The following ASB3 variants were observed in gnomAD, a reference collection of about 807,000 sequenced individuals.
The protein encoded by ASB3 is ankyrin repeat and SOCS box protein 3.
Under a neutral mutation model 54.5 loss-of-function variants are expected in ASB3, and 41 were observed. That is an observed-to-expected ratio of 0.75 (90% CI 0.59 to 0.98). The LOEUF (loss-of-function observed/expected upper bound fraction) is 0.98. ASB3 is among the 50% of genes least tolerant of loss of function. The probability of loss-of-function intolerance (pLI) is 0.00; values close to 1 mark genes in which losing one functional copy is unlikely to be tolerated. For synonymous variants in ASB3, 266 were observed against 221.2 expected (o/e 1.20, Z -1.80); for missense variants, 733 against 620.0 (o/e 1.18, Z -1.94).
intron 9 of ASB3, among the ~76,000 whole-genome samples, chr2:53,678,253 A>C (rs1431801065): frequency 3.9e-5 from 6 of 152,076 alleles, no homozygotes; most frequent in African/African-American, 1.4e-4. Flanking sequence ...GAACTTCCTC[A>C]TCCTACAAAA....
At chr2:53,682,394 G>A (rs1668421671) in intron 9 of ASB3, among the ~76,000 whole-genome samples, 1 of 151,836 alleles carries the variant, frequency 6.6e-6, no homozygotes, top group Non-Finnish European at 1.5e-5. Flanking sequence ...TCACTTCTTT[G>A]GTCACACTAA....
intron 3 of ASB3, among the ~76,000 whole-genome samples, chr2:53,741,914 A>G (rs1206720427): frequency 6.6e-6 from 1 of 152,192 alleles, no homozygotes; most frequent in African/African-American, 2.4e-5. Context: ...CAAAAGAATG[A>G]CGATCAATCC....
At chr2:53,778,559 C>G (rs1674479063) in intron 1 of ASB3, among the ~76,000 whole-genome samples, 1 of 152,160 alleles carries the variant, frequency 6.6e-6, no homozygotes, top group Non-Finnish European at 1.5e-5. Context: ...TCCCTCCAAC[C>G]CTGGTAACCA....
At chr2:53,700,593 A>G (rs1669433709) in intron 7 of ASB3, 65 bp from the exon 8 acceptor site, 5 of 1,535,984 alleles carry the variant, frequency 3.3e-6, no homozygotes, top group Non-Finnish European at 1.7e-6. Flanking sequence ...TACTTCTTAC[A>G]AACAGTTAAT....
intron 9 of ASB3, among the ~76,000 whole-genome samples, chr2:53,678,140 GGT>G (rs3034411): frequency 0.88 from 132,554 of 150,842 alleles, 58,538 homozygotes; most frequent in East Asian, 1. Context: ...TTACCTTGCT[GGT>G]GTGTGTGTGT....
intron 5 of ASB3, among the ~76,000 whole-genome samples, chr2:53,718,488 G>A (rs1222494185): frequency 6.6e-6 from 1 of 152,080 alleles, no homozygotes; most frequent in African/African-American, 2.4e-5. Context: ...GTTACCACTA[G>A]ACCAGTCTTA....
chr2:53,777,239 G>A (rs189854111), intron 1 of ASB3, among the ~76,000 whole-genome samples: 377 of 152,042 alleles, frequency 2.5e-3, no homozygotes, highest in Non-Finnish European at 3.8e-3. Context: ...TTATCAACTC[G>A]TCTTAATCCC....
intron 7 of ASB3, among the ~76,000 whole-genome samples, chr2:53,713,649 A>G (rs888729649): frequency 6.6e-6 from 1 of 152,328 alleles, no homozygotes; most frequent in Middle Eastern, 3.4e-3. Flanking sequence ...ATCGTGGCTC[A>G]TGCCTGACAT....
intron 2 of ASB3, among the ~76,000 whole-genome samples, chr2:53,752,285 C>T (rs964401365): frequency 6.6e-5 from 10 of 152,166 alleles, no homozygotes; most frequent in South Asian, 4.2e-4. Context: ...AGCTAAAATC[C>T]GGGTTCTTGT....
intron 1 of ASB3, among the ~76,000 whole-genome samples, chr2:53,770,495 A>AT (rs1673823836): frequency 1.1e-5 from 1 of 95,072 alleles, no homozygotes; most frequent in Non-Finnish European, 2.0e-5. Flanking sequence ...GACGAAGTTT[A>AT]TTTAAAAAAA....
At chr2:53,674,445 G>C (rs978951782) in intron 9 of ASB3, among the ~76,000 whole-genome samples, 1 of 152,132 alleles carries the variant, frequency 6.6e-6, no homozygotes, top group Admixed American at 6.5e-5. Flanking sequence ...AAGACTACAT[G>C]TTGTTATACA....
chr2:53,672,445 C>G (rs755585758), intron 9 of ASB3, among the ~76,000 whole-genome samples: 21 of 152,110 alleles, frequency 1.4e-4, no homozygotes, highest in Admixed American at 1.3e-4. Context: ...TGCAGGAATA[C>G]ATATGGAAAG....
At chr2:53,671,353 CGTGT>C (rs142473697) in intron 9 of ASB3, among the ~76,000 whole-genome samples, 11,059 of 142,490 alleles carry the variant, frequency 0.078, 509 homozygotes, top group African/African-American at 0.13. Flanking sequence ...GAACCCAAAG[CGTGT>C]GTGTGTGTGT....
chr2:53,781,665 T>C lies in ASB3; in HGVS notation c.-14+5156A>G, dbSNP rs116490481. On this transcript the variant is annotated intron_variant, in intron 1 of 9. Transcript: ENST00000263634. ...CATGAGCCACCACGCCTGTCTAATT[T>C]TCTATTTTCAGGAGAGACAGGGTTT... Among the ~76,000 whole-genome samples the C allele has an allele frequency of 9.2e-3, 1,406 of 152,256 alleles. 25 individuals carry two copies. The highest frequency in any genetic ancestry group is 0.032 in the African/African-American group (1,334 of 41,538).
chr2:53,751,915 A>T (rs1245401555), intron 2 of ASB3, among the ~76,000 whole-genome samples: 1 of 152,210 alleles, frequency 6.6e-6, no homozygotes, highest in Non-Finnish European at 1.5e-5. Context: ...CATATCACAG[A>T]AATAGGGTTT....
chr2:53,751,505 T>G (rs536535785), intron 2 of ASB3, among the ~76,000 whole-genome samples: 2 of 152,264 alleles, frequency 1.3e-5, no homozygotes, highest in African/African-American at 4.8e-5. Flanking sequence ...AAGGAATTTA[T>G]GAGTTAAAGT....
At chr2:53,722,268 T>C (rs1362542438) in intron 5 of ASB3, among the ~76,000 whole-genome samples, 3 of 151,514 alleles carry the variant, frequency 2.0e-5, no homozygotes, top group African/African-American at 7.3e-5. Flanking sequence ...CCAGTACCAA[T>C]TCTACTGAAA....
intron 9 of ASB3, among the ~76,000 whole-genome samples, chr2:53,671,809 G>C (rs1253424025): frequency 6.7e-6 from 1 of 149,220 alleles, no homozygotes; most frequent in East Asian, 1.9e-4. Flanking sequence ...TTTCCAAGAT[G>C]AAAAGTGTTA....
At chr2:53,767,778 C>T (rs1673576807) in intron 1 of ASB3, 3 of 1,404,720 alleles carry the variant, frequency 2.1e-6, no homozygotes, top group Non-Finnish European at 2.9e-6. Flanking sequence ...AAGTGGCCAT[C>T]GCGCCTGCGC....
Sources: allele counts gnomAD v4.1 joint callset (sites outside exome capture counted in the v4.1 genomes callset), GRCh38; gene constraint gnomAD v4.1.1; transcripts MANE v1.5; gene names NCBI Gene and HGNC (gene_info 2026-07-23, HGNC 2026-07-21).